Variants in PARD3B observed in about 807,000 individuals in gnomAD.
PARD3B encodes the protein par-3 family cell polarity regulator beta, also known as partitioning defective 3 homolog B.
In PARD3B, 103 loss-of-function variants were observed where a neutral mutation model predicts 130.2. The observed-to-expected ratio is 0.79, with a 90% confidence interval of 0.67 to 0.93. PARD3B has a LOEUF of 0.93. PARD3B is among the 40% of genes least tolerant of loss of function. The pLI is 0.00. For synonymous variants in PARD3B, 583 were observed against 553.2 expected, an observed-to-expected ratio of 1.05 and a Z score of -0.76; for missense variants, 1,609 against 1,499.2, an observed-to-expected ratio of 1.07 and a Z score of -1.21.
intron 21 of PARD3B, among the ~76,000 whole-genome samples, chr2:205,505,603 A>G (rs1449562629): frequency 3.3e-5 from 5 of 152,212 alleles, no homozygotes; most frequent in Non-Finnish European, 5.9e-5. Context: ...TAAGCAAGAT[A>G]TACTAGCTGT....
At chr2:204,704,513 C>A (rs1051266879) in intron 2 of PARD3B, among the ~76,000 whole-genome samples, 2 of 152,048 alleles carry the variant, frequency 1.3e-5, no homozygotes, top group African/African-American at 4.8e-5. Context: ...ATTAAAGATA[C>A]CATGATCATC....
At chr2:205,445,450 C>A (rs1027790833) in intron 20 of PARD3B, among the ~76,000 whole-genome samples, 1 of 152,086 alleles carries the variant, frequency 6.6e-6, no homozygotes, top group Non-Finnish European at 1.5e-5. Flanking sequence ...AACTTTCAAT[C>A]GTGGCAGAAG....
In PARD3B at chr2:204,702,025, T is replaced by G. The variant is rs188512426; in HGVS notation, c.222+15743T>G. Reference sequence around the variant, plus strand: ...TTTTCTGTTCCTGAGTTAATTCACTTAGGATAATGGCCTCCAGCTGCATTC... The same window carrying G: ...TTTTCTGTTCCTGAGTTAATTCACTGAGGATAATGGCCTCCAGCTGCATTC... On this transcript the variant is annotated intron_variant, in intron 2 of 22. Coordinates refer to ENST00000406610, the MANE Select transcript of PARD3B (RefSeq NM_001302769.2). Among the ~76,000 whole-genome samples the G allele has an allele frequency of 2.8e-3, 421 of 152,298 alleles. 1 individual carries two copies. Among genetic ancestry groups the G allele is most frequent in the African/African-American group, 1.0e-2 (414 of 41,582 alleles).
At chr2:205,554,705 C>G (rs918364457) in intron 22 of PARD3B, among the ~76,000 whole-genome samples, 1 of 152,142 alleles carries the variant, frequency 6.6e-6, no homozygotes, top group Non-Finnish European at 1.5e-5. Context: ...AAGACAGTCA[C>G]AATGGTACTG....
At chr2:204,592,248 G>T (rs1378146980) in intron 1 of PARD3B, among the ~76,000 whole-genome samples, 1 of 152,240 alleles carries the variant, frequency 6.6e-6, no homozygotes, top group Non-Finnish European at 1.5e-5. Flanking sequence ...TAGTAAGGTG[G>T]CTGTCATTTT....
chr2:205,541,108 T>C (rs2052106491), intron 21 of PARD3B, among the ~76,000 whole-genome samples: 1 of 152,130 alleles, frequency 6.6e-6, no homozygotes, highest in East Asian at 1.9e-4. Flanking sequence ...CCCATGCTGG[T>C]AGAGGAATGA....
At chr2:204,710,427 T>C (rs969876911) in intron 2 of PARD3B, among the ~76,000 whole-genome samples, 3 of 152,178 alleles carry the variant, frequency 2.0e-5, no homozygotes, top group Admixed American at 2.0e-4. Context: ...TGGGAGGAAA[T>C]TGTTAGACTA....
At chr2:204,912,196 CAT>C in intron 2 of PARD3B, among the ~76,000 whole-genome samples, 1 of 152,254 alleles carries the variant, frequency 6.6e-6, no homozygotes, top group South Asian at 2.1e-4. Context: ...ATTTTAGAAA[CAT>C]ATGATAATTA....
chr2:205,208,456 A>T (rs577972949), intron 15 of PARD3B, among the ~76,000 whole-genome samples: 234 of 145,306 alleles, frequency 1.6e-3, no homozygotes, highest in Non-Finnish European at 2.1e-3. Context: ...ACATGATCGT[A>T]TATCTAGAAA....
Position 205,146,831 on chromosome 2 carries a change from G to C in PARD3B, c.1435-11891G>C, listed in dbSNP as rs991503297. On this transcript the variant is annotated intron_variant, in intron 10 of 22. Transcript: ENST00000406610. This position sits in a 1 kb window ranked among gnomAD's most constrained non-coding sequence, Gnocchi z 4.3. ...CATCCTTCGCCTCCCGGGTTGGAGC[G>C]ATTCTCCTGCCTCAGCTTCCTGAGT... Among the ~76,000 whole-genome samples the C allele has an allele frequency of 6.6e-6, 1 of 151,744 alleles. No individual in the cohort carries two copies.
At chr2:205,131,926 G>A (rs768951744) in intron 10 of PARD3B, among the ~76,000 whole-genome samples, 3 of 152,076 alleles carry the variant, frequency 2.0e-5, no homozygotes, top group African/African-American at 7.2e-5. Context: ...CCTGGAATCC[G>A]TCACACCTGG....
chr2:205,498,045 A>ACACACACACAC (rs1559149195), intron 20 of PARD3B, among the ~76,000 whole-genome samples: 1 of 151,198 alleles, frequency 6.6e-6, no homozygotes, highest in African/African-American at 2.4e-5. Context: ...ACACACACAC[A>ACACACACACAC]AAGAATTTGC....
chr2:205,503,406 C>G (rs897095357), intron 21 of PARD3B, among the ~76,000 whole-genome samples: 4 of 150,686 alleles, frequency 2.7e-5, no homozygotes, highest in Non-Finnish European at 5.9e-5. Flanking sequence ...TTTTTTCATA[C>G]TTTGTTCTTT....
chr2:205,028,497 C>A (rs2125353719), intron 3 of PARD3B, among the ~76,000 whole-genome samples: 1 of 152,200 alleles, frequency 6.6e-6, no homozygotes, highest in South Asian at 2.1e-4. Context: ...TAATACTCAA[C>A]ATGAAAAGCT....
intron 2 of PARD3B, among the ~76,000 whole-genome samples, chr2:204,951,418 G>T (rs1689758247): frequency 6.6e-6 from 1 of 152,072 alleles, no homozygotes. Flanking sequence ...AAATCGTCCT[G>T]CCAGCAAATA....
chr2:204,702,423 T>G (rs1197028967), intron 2 of PARD3B, among the ~76,000 whole-genome samples: 1 of 152,180 alleles, frequency 6.6e-6, no homozygotes, highest in Non-Finnish European at 1.5e-5. Flanking sequence ...TTTGACTTTT[T>G]AAGCCATTCT....
Position 205,263,756 on chromosome 2 carries a change from C to A in PARD3B, c.2185+17934C>A, listed in dbSNP as rs1417693319. Among the ~76,000 whole-genome samples, 3 of 151,102 alleles carry A rather than the reference C, an allele frequency of 2.0e-5. No homozygotes were observed. The highest frequency in any genetic ancestry group is 3.0e-5 in the Non-Finnish European group (2 of 67,622). ...AAAAATGTTTACTCTTCAAAAGATA[C>A]TCTTGAGAAAATGAAAAGACAAGTC... On this transcript the variant is annotated intron_variant, in intron 16 of 22. Coordinates refer to ENST00000406610, the MANE Select transcript of PARD3B (RefSeq NM_001302769.2). This position sits in a 1 kb window ranked among gnomAD's most constrained non-coding sequence, Gnocchi z 4.0.
intron 5 of PARD3B, 93 bp downstream of exon 5, chr2:205,104,607 C>A: frequency 1.1e-6 from 1 of 886,908 alleles, no homozygotes; most frequent in Non-Finnish European, 1.8e-6. Flanking sequence ...CAAGAAAGAT[C>A]AGGATAAGTA....
At chr2:205,512,633 T>C (rs2050629156) in intron 21 of PARD3B, among the ~76,000 whole-genome samples, 1 of 152,164 alleles carries the variant, frequency 6.6e-6, no homozygotes, top group African/African-American at 2.4e-5. Flanking sequence ...AAAATGTACA[T>C]CGAGCCTGAC....
Sources: allele counts gnomAD v4.1 joint callset (sites outside exome capture counted in the v4.1 genomes callset), GRCh38; gene constraint gnomAD v4.1.1; non-coding constraint Gnocchi (gnomAD v3.1); transcripts MANE v1.5; gene names NCBI Gene and HGNC (gene_info 2026-07-23, HGNC 2026-07-21).